Variants in SIN3B observed in about 807,000 individuals in gnomAD.
SIN3B encodes the protein SIN3 transcription regulator family member B.
SIN3B carries 19 observed loss-of-function variants against 120.2 expected under a neutral mutation model. The observed-to-expected ratio is 0.16, with a 90% CI of 0.11 to 0.23. The LOEUF is 0.23. Among genes scored for constraint, SIN3B ranks in the 10% least tolerant of loss-of-function variants. The pLI is 1.00. For missense variants in SIN3B, 1,073 were observed against 1,573.0 expected (o/e 0.68, Z 5.38); for synonymous variants, 654 against 653.2 (o/e 1.00, Z -0.02).
At chr19:16,845,552 C>T (rs989471413) in intron 4 of SIN3B, among the ~76,000 whole-genome samples, 4 of 152,154 alleles carry the variant, frequency 2.6e-5, no homozygotes, top group East Asian at 1.9e-4. Flanking sequence ...GGATTACAGG[C>T]CTGAGCTACC....
Position 16,869,597 on chromosome 19 carries a change from G to A in SIN3B, c.1944G>A (p.Gln648=), listed in dbSNP as rs1350417050. ...SYYVKRQPAI[Q]KEDQGTIHQL... ...ACGTGAAGCGGCAGCCGGCCATCCA[G>A]AAGGAGGACCAGGGCACCATCCACC... The change falls in exon 13 of 19, where the codon CAG becomes CAA. Residue 648 remains glutamine, a synonymous_variant. Coordinates refer to ENST00000248054, the MANE Select transcript of SIN3B (RefSeq NM_001297595.2). The A allele has an allele frequency of 6.2e-7, 1 of 1,613,566 alleles. No individual in the cohort carries two copies. The highest frequency in any genetic ancestry group is 1.7e-5 in the Admixed American group (1 of 60,034).
chr19:16,842,929 A>G (rs1971436018), intron 4 of SIN3B, among the ~76,000 whole-genome samples: 1 of 152,180 alleles, frequency 6.6e-6, no homozygotes, highest in Non-Finnish European at 1.5e-5. Flanking sequence ...GGCCTGTGCA[A>G]AGGTCCAGAG....
intron 14 of SIN3B, among the ~76,000 whole-genome samples, chr19:16,872,160 G>T (rs1371438798): frequency 2.0e-5 from 3 of 151,900 alleles, no homozygotes; most frequent in Non-Finnish European, 2.9e-5. Context: ...CCATTTCCTG[G>T]TCACCAAGTA....
In SIN3B at chr19:16,870,082, C is replaced by A. The variant is rs749970102; in HGVS notation, c.2422+7C>A. ...CTGCGGCTGAAGCAGCCCAGTAAGG[C>A]TCCAAAGCCTGCCGGGAGGCCCCGG... is the stretch of plus-strand genomic sequence containing the variant. On this transcript the variant is annotated splice_region_variant and intron_variant, in intron 13 of 18. Coordinates refer to ENST00000248054, the MANE Select transcript of SIN3B (RefSeq NM_001297595.2). 6.3e-7 allele frequency: 1 copy of A among 1,579,372 alleles called. No individual in the cohort carries two copies. Among genetic ancestry groups the A allele is most frequent in the Non-Finnish European group, 8.6e-7 (1 of 1,161,178 alleles).
At chr19:16,851,059 G>A (rs754239238) in intron 5 of SIN3B, among the ~76,000 whole-genome samples, 10 of 150,788 alleles carry the variant, frequency 6.6e-5, no homozygotes, top group Admixed American at 4.0e-4. Flanking sequence ...CTGTGGTGCC[G>A]GCATGCACAC....
chr19:16,875,998 AGGTGGGGACTCCCGCAGGAGGCGG>A, intron 14 of SIN3B, 33 bp from the exon 15 acceptor site: 1 of 1,503,244 alleles, frequency 6.7e-7, no homozygotes, highest in Non-Finnish European at 8.9e-7. Flanking sequence ...TCTGTGGGTG[AGGTGGGGACTCCCGCAGGAGGCGG>A]GGTGGCCGCA....
intron 13 of SIN3B, among the ~76,000 whole-genome samples, chr19:16,870,465 A>C (rs1476002942): frequency 6.6e-6 from 1 of 150,378 alleles, no homozygotes; most frequent in Non-Finnish European, 1.5e-5. Flanking sequence ...GCCCACTGCA[A>C]CCTCCACTTC....
chr19:16,849,975 A>G (rs1347805894), intron 5 of SIN3B, among the ~76,000 whole-genome samples: 1 of 150,922 alleles, frequency 6.6e-6, no homozygotes, highest in East Asian at 1.9e-4. Flanking sequence ...AAAAAAAAAG[A>G]TGTACCAGTG....
chr19:16,872,930 C>T (rs541542449), intron 14 of SIN3B, among the ~76,000 whole-genome samples: 38 of 152,230 alleles, frequency 2.5e-4, no homozygotes, highest in South Asian at 8.3e-4. Flanking sequence ...CAGGCATGGG[C>T]GGTGCCCCGT....
At chr19:16,840,871 G>T (rs1055290987) in intron 3 of SIN3B, among the ~76,000 whole-genome samples, 2 of 152,176 alleles carry the variant, frequency 1.3e-5, no homozygotes, top group African/African-American at 2.4e-5. Flanking sequence ...GATCCATAAG[G>T]TGGTGACGGG....
intron 5 of SIN3B, among the ~76,000 whole-genome samples, chr19:16,847,699 T>C (rs1445953100): frequency 6.6e-6 from 1 of 152,238 alleles, no homozygotes; most frequent in Admixed American, 6.5e-5. Flanking sequence ...GGGCCGCCTG[T>C]TCCGATTCCT....
In SIN3B at chr19:16,862,706, C is replaced by T. The variant is rs1277614688; in HGVS notation, c.1266+147C>T. ...TTATGGGTGGTGCTGGGATGTGGCC[C>T]GGCAAAACCACCTGAGCAGAGACAA... On this transcript the variant is annotated intron_variant, in intron 9 of 18. Coordinates refer to ENST00000248054, the MANE Select transcript of SIN3B (RefSeq NM_001297595.2). The surrounding 1 kb of genome is among the most constrained non-coding windows in gnomAD (Gnocchi z 4.7). 1.0e-5 allele frequency: 11 copies of T among 1,076,862 alleles called. No homozygotes were observed. The African/African-American group carries it at 1.1e-4, about 11-fold the overall frequency. The allele number at this position is 1,076,862 out of a possible 1,614,324, so 66.7% of individuals were successfully genotyped here.
intron 9 of SIN3B, 55 bp from the exon 10 acceptor site, chr19:16,863,625 A>T: frequency 8.9e-7 from 1 of 1,129,624 alleles, no homozygotes; most frequent in Non-Finnish European, 1.4e-6. Flanking sequence ...GGCTAACAGT[A>T]AATCTTGGCT....
At chr19:16,835,328 A>G (rs1449251137) in intron 3 of SIN3B, among the ~76,000 whole-genome samples, 2 of 149,886 alleles carry the variant, frequency 1.3e-5, no homozygotes, top group Non-Finnish European at 3.0e-5. Flanking sequence ...TCCCGGGTTC[A>G]AGTGATTCTC....
In SIN3B at chr19:16,862,981, T is replaced by C. The variant is rs779765069; in HGVS notation, c.1266+422T>C. On this transcript the variant is annotated intron_variant, in intron 9 of 18. Transcript: ENST00000248054. This position sits in a 1 kb window ranked among gnomAD's most constrained non-coding sequence, Gnocchi z 4.7. ...TGGATTCCAGGATATAGTGCAGGGG[T>C]CAGCAAACTCTGGCCCACGGGCCCT... 2 of 1,610,958 alleles carry C rather than the reference T, an allele frequency of 1.2e-6. No homozygotes were observed. The highest frequency in any genetic ancestry group is 3.3e-5 in the Admixed American group (2 of 59,882).
chr19:16,860,379 A>G (rs1283777458), intron 8 of SIN3B, among the ~76,000 whole-genome samples: 3 of 152,188 alleles, frequency 2.0e-5, no homozygotes, highest in African/African-American at 7.2e-5. Context: ...TTATCCCAGC[A>G]GTAGCCTCAG....
chr19:16,832,792 C>T (rs1971296801), intron 3 of SIN3B, among the ~76,000 whole-genome samples: 1 of 152,164 alleles, frequency 6.6e-6, no homozygotes, highest in African/African-American at 2.4e-5. Flanking sequence ...GAGTGAGCCA[C>T]TGTGCCTGGC....
At position 16,869,796 on chromosome 19, in the gene SIN3B, G is replaced by A; in HGVS notation, c.2143G>A (p.Ala715Thr). 1 of 1,613,644 alleles carries A rather than the reference G, an allele frequency of 6.2e-7. No individual in the cohort carries two copies. The highest frequency in any genetic ancestry group is 2.2e-5 in the East Asian group (1 of 44,878). ...CAGTAGCCCCCCAGAGGAGAAGGGGGCCTTCGGGGATGCCCCGGCCACTGA... is the reference window on the plus strand; with the variant it reads ...CAGTAGCCCCCCAGAGGAGAAGGGGACCTTCGGGGATGCCCCGGCCACTGA... The part of the protein sequence containing the change: ...PHSSPPEEKG[A>T]FGDAPATEQP... Residue 715 changes from alanine (A) to threonine (T), a missense_variant, in exon 13 of 19, where the codon GCC (alanine) becomes ACC (threonine). By Grantham distance (58) the Ala-to-Thr change is moderately conservative (BLOSUM62 0). Coordinates refer to ENST00000248054, the MANE Select transcript of SIN3B (RefSeq NM_001297595.2).
chr19:16,871,093 A>AT, intron 13 of SIN3B, 136 bp from the exon 14 acceptor site: 1 of 1,080,314 alleles, frequency 9.3e-7, no homozygotes, highest in Non-Finnish European at 1.4e-6. Flanking sequence ...TGATTCCCAC[A>AT]TTTGCCCCAG....
Sources: gnomAD v4.1 joint callset for allele counts (sites outside exome capture counted in the v4.1 genomes callset) on GRCh38, gnomAD v4.1.1 for gene constraint, Gnocchi (gnomAD v3.1) non-coding constraint, MANE v1.5 for transcripts, NCBI Gene and HGNC (gene_info 2026-07-23, HGNC 2026-07-21) for gene names.